Variants in PRKN observed in about 807,000 individuals in gnomAD.
PRKN encodes the protein E3 ubiquitin-protein ligase parkin.
PRKN carries 56 observed loss-of-function variants against 59.5 expected under a neutral mutation model. The observed-to-expected ratio is 0.94, with a 90% confidence interval of 0.76 to 1.18. The LOEUF (loss-of-function observed/expected upper bound fraction) is 1.18. Among genes scored for constraint, PRKN ranks in the 50% most tolerant of loss-of-function variants. The pLI is 0.00. For synonymous variants in PRKN, 250 were observed against 222.1 expected, an observed-to-expected ratio of 1.13 and a Z score of -1.12; for missense variants, 657 against 596.4, an observed-to-expected ratio of 1.10 and a Z score of -1.06.
chr6:162,339,273 C>G (rs1436113962), intron 2 of PRKN, among the ~76,000 whole-genome samples: 165 of 144,052 alleles, frequency 1.1e-3, no homozygotes, highest in Middle Eastern at 3.7e-3. Flanking sequence ...GGCCAGCCGC[C>G]CCGTCCGGGA....
At chr6:161,367,264 A>G (rs1049905298) in intron 10 of PRKN, among the ~76,000 whole-genome samples, 2 of 151,774 alleles carry the variant, frequency 1.3e-5, no homozygotes, top group African/African-American at 2.4e-5. Context: ...TACAGGCGTG[A>G]GCCACCGCGC....
At chr6:162,241,255 T>C (rs1390539743) in intron 3 of PRKN, among the ~76,000 whole-genome samples, 1 of 152,198 alleles carries the variant, frequency 6.6e-6, no homozygotes, top group Non-Finnish European at 1.5e-5. Flanking sequence ...TCTACATTAT[T>C]TAGATTTGTG....
At chr6:161,760,674 T>G (rs1789159760) in intron 7 of PRKN, among the ~76,000 whole-genome samples, 1 of 152,162 alleles carries the variant, frequency 6.6e-6, no homozygotes, top group South Asian at 2.1e-4. Context: ...CAAGCCTGAA[T>G]TTTTGTGGTC....
intron 2 of PRKN, among the ~76,000 whole-genome samples, chr6:162,387,177 G>T (rs1237613493): frequency 7.1e-6 from 1 of 141,554 alleles, no homozygotes; most frequent in East Asian, 2.1e-4. Context: ...ATTTTAGAAG[G>T]TTCATAAAGG....
intron 6 of PRKN, among the ~76,000 whole-genome samples, chr6:161,934,856 G>A (rs1190196484): frequency 6.6e-6 from 1 of 151,980 alleles, no homozygotes; most frequent in Non-Finnish European, 1.5e-5. Context: ...AGAAGTTTCA[G>A]GATGTTTTTT....
chr6:162,663,134 T>C (rs2128228610), intron 1 of PRKN, among the ~76,000 whole-genome samples: 1 of 152,302 alleles, frequency 6.6e-6, no homozygotes, highest in South Asian at 2.1e-4. Context: ...GGTCCTACAT[T>C]CCTTATCAGC....
At chr6:161,899,364 C>T (rs543098638) in intron 6 of PRKN, among the ~76,000 whole-genome samples, 4 of 152,258 alleles carry the variant, frequency 2.6e-5, no homozygotes, top group Admixed American at 2.6e-4. Flanking sequence ...AAAGCCTTTC[C>T]CCCCTTATTA....
chr6:161,959,355 G>A (rs780098684), intron 6 of PRKN, among the ~76,000 whole-genome samples: 14 of 151,960 alleles, frequency 9.2e-5, no homozygotes, highest in East Asian at 1.9e-4. Flanking sequence ...CGGTTCCGAC[G>A]GATAAGATAA....
chr6:162,403,647 G>A (rs774303554), intron 2 of PRKN, among the ~76,000 whole-genome samples: 5 of 152,100 alleles, frequency 3.3e-5, no homozygotes, highest in Non-Finnish European at 7.4e-5. Context: ...CTGAATCCCT[G>A]GAATCATCAC....
At chr6:162,419,028 C>T (rs149855436) in intron 2 of PRKN, among the ~76,000 whole-genome samples, 1 of 151,944 alleles carries the variant, frequency 6.6e-6, no homozygotes, top group African/African-American at 2.4e-5. Context: ...AGACAAAGCC[C>T]ATTCCTTCCT....
intron 1 of PRKN, among the ~76,000 whole-genome samples, chr6:162,636,958 CA>C (rs112748618): frequency 4.9e-4 from 71 of 143,878 alleles, no homozygotes; most frequent in Admixed American, 4.2e-4. Flanking sequence ...GATTCTGTCC[CA>C]AAAAAAAAAA....
intron 1 of PRKN, among the ~76,000 whole-genome samples, chr6:162,528,755 G>A (rs1317271621): frequency 6.6e-6 from 1 of 151,916 alleles, no homozygotes; most frequent in African/African-American, 2.4e-5. Flanking sequence ...ATCCCACAGC[G>A]CCACTGAACT....
chr6:161,746,739 CTAGATATGCACATATATATCTATA>C (rs1788440077), intron 7 of PRKN, among the ~76,000 whole-genome samples: 1 of 143,616 alleles, frequency 7.0e-6, no homozygotes, highest in African/African-American at 2.6e-5. Context: ...TATCTAGATT[CTAGATATGCACATATATATCTATA>C]TAGATATATA....
intron 9 of PRKN, among the ~76,000 whole-genome samples, chr6:161,495,584 C>T (rs1363452144): frequency 6.6e-6 from 1 of 152,216 alleles, no homozygotes; most frequent in Non-Finnish European, 1.5e-5. Flanking sequence ...TCTCTTTGTG[C>T]AAGCTGGAAG....
chr6:162,612,485 CAAGTT>C lies in PRKN; in HGVS notation c.7+115172_7+115176del, dbSNP rs575777605. Among the ~76,000 whole-genome samples, 745 of 150,040 alleles carry C rather than the reference CAAGTT, an allele frequency of 5.0e-3. 4 individuals are homozygous for C. Among genetic ancestry groups the C allele is most frequent in the Middle Eastern group, 0.01 (3 of 290 alleles). On this transcript the variant is annotated intron_variant, in intron 1 of 11. Coordinates refer to ENST00000366898, the MANE Select transcript of PRKN (RefSeq NM_004562.3). The stretch of plus-strand genomic sequence containing the variant: ...CGGTATTGAACCAGATTTCTCTCGA[CAAGTT>C]AAGATGCTGACTTGCTGAGGCTCTG...
At chr6:162,133,137 T>A (rs566677578) in intron 4 of PRKN, among the ~76,000 whole-genome samples, 1 of 152,216 alleles carries the variant, frequency 6.6e-6, no homozygotes, top group African/African-American at 2.4e-5. Context: ...TCACTCTGGC[T>A]GCTGTGTGAG....
chr6:161,940,086 G>C (rs928465461), intron 6 of PRKN, among the ~76,000 whole-genome samples: 4 of 151,966 alleles, frequency 2.6e-5, no homozygotes, highest in African/African-American at 9.7e-5. Flanking sequence ...AGTAGAGACG[G>C]GGTTTCTCCA....
chr6:161,840,360 G>T (rs1792933514), intron 6 of PRKN, among the ~76,000 whole-genome samples: 1 of 152,174 alleles, frequency 6.6e-6, no homozygotes, highest in Admixed American at 6.5e-5. Flanking sequence ...CTGGTTAGGG[G>T]GCAGCCTGCC....
intron 1 of PRKN, among the ~76,000 whole-genome samples, chr6:162,660,264 T>C (rs1383444811): frequency 1.3e-5 from 2 of 152,154 alleles, no homozygotes; most frequent in African/African-American, 4.8e-5. Flanking sequence ...GCCTAAGTAT[T>C]TTACCCCTTG....
Sources: gnomAD v4.1 joint callset for allele counts (sites outside exome capture counted in the v4.1 genomes callset) on GRCh38, gnomAD v4.1.1 for gene constraint, MANE v1.5 for transcripts, NCBI Gene and HGNC (gene_info 2026-07-23, HGNC 2026-07-21) for gene names.